Variants in MACROD2 observed in about 807,000 individuals in gnomAD.
MACROD2 encodes the protein mono-ADP ribosylhydrolase 2.
In MACROD2, 36 loss-of-function variants were observed where a neutral mutation model predicts 70.4. The ratio of observed to expected loss-of-function variants is 0.51; its 90% CI spans 0.39 to 0.68. The LOEUF (loss-of-function observed/expected upper bound fraction) is 0.68. Ranked by LOEUF, MACROD2 falls within the 30% of genes least tolerant of loss-of-function variation. MACROD2 has a pLI of 0.00. For synonymous variants in MACROD2, 172 were observed against 178.8 expected, an observed-to-expected ratio of 0.96 and a Z score of 0.30; for missense variants, 496 against 538.4, an observed-to-expected ratio of 0.92 and a Z score of 0.78.
chr20:15,609,973 C>T (rs1274046296), intron 8 of MACROD2, among the ~76,000 whole-genome samples: 1 of 152,206 alleles, frequency 6.6e-6, no homozygotes, highest in Non-Finnish European at 1.5e-5. Flanking sequence ...CAGATTATCC[C>T]AGGCAATGAA....
intron 4 of MACROD2, among the ~76,000 whole-genome samples, chr20:14,543,524 G>T (rs2085457616): frequency 6.6e-6 from 1 of 152,032 alleles, no homozygotes; most frequent in African/African-American, 2.4e-5. Flanking sequence ...TAAAATAATT[G>T]GCATATTGAT....
At position 14,409,147 on chromosome 20, in the gene MACROD2, C is replaced by CTTTTTTTTTT. The variant is rs11425504; in HGVS notation, c.272-84323_272-84314dup. Among the ~76,000 whole-genome samples, 2 of 127,586 alleles carry CTTTTTTTTTT rather than the reference C, an allele frequency of 1.6e-5. 1 individual carries two copies. The allele number at this position is 127,586 out of a possible 152,430, so 83.7% of individuals were successfully genotyped here. On this transcript the variant is annotated intron_variant, in intron 3 of 17. Coordinates refer to ENST00000684519, the MANE Select transcript of MACROD2 (RefSeq NM_001351661.2). ...GCTCTTCTTCTAAGGTCTGTTTTGGCTTTTTTTTTTTTTTTTTTCCAAACG... is the reference window on the plus strand; with the variant it reads ...GCTCTTCTTCTAAGGTCTGTTTTGGCTTTTTTTTTTTTTTTTTTTTTTTTTTTTCCAAACG...
chr20:14,281,761 C>T (rs932270800), intron 3 of MACROD2, among the ~76,000 whole-genome samples: 2 of 151,270 alleles, frequency 1.3e-5, no homozygotes, highest in African/African-American at 4.9e-5. Context: ...ATGGTGAAAC[C>T]CTGTCTCTCC....
chr20:14,789,593 A>T (rs2072424359), intron 5 of MACROD2, among the ~76,000 whole-genome samples: 1 of 147,998 alleles, frequency 6.8e-6, no homozygotes, highest in Admixed American at 6.9e-5. Flanking sequence ...CTCCTGCCTC[A>T]GCTTCCTGAG....
rs188042032 is a variant in MACROD2, at chr20:15,417,584, G to A, written c.541-13821G>A. Among the ~76,000 whole-genome samples, 14 of 121,842 alleles carry A rather than the reference G, an allele frequency of 1.1e-4. No homozygotes were observed. In the East Asian group the frequency reaches 2.7e-3, roughly 24 times the overall value. 79.9% of individuals were successfully genotyped at this position (121,842 alleles called of 152,430 possible). ...ACTGTCCTCCAGCCCAGGTGACAGA[G>A]CGAAACCCTGTCTCAAAAAAAAAAA... On this transcript the variant is annotated intron_variant, in intron 6 of 17. Transcript: ENST00000684519.
chr20:15,304,002 A>G (rs1162865665), intron 6 of MACROD2, among the ~76,000 whole-genome samples: 4 of 152,180 alleles, frequency 2.6e-5, no homozygotes, highest in Non-Finnish European at 5.9e-5. Context: ...AATATTTATT[A>G]TTATAGTAGG....
chr20:14,599,742 A>G (rs924173987), intron 4 of MACROD2, among the ~76,000 whole-genome samples: 6 of 152,178 alleles, frequency 3.9e-5, no homozygotes, highest in Non-Finnish European at 8.8e-5. Flanking sequence ...AGCCCTGAAT[A>G]GGGCAGACAG....
intron 4 of MACROD2, among the ~76,000 whole-genome samples, chr20:14,670,761 T>C (rs1174642632): frequency 2.6e-5 from 4 of 152,152 alleles, no homozygotes; most frequent in African/African-American, 9.7e-5. Flanking sequence ...TCAGGGCTAA[T>C]GTGACTCCTT....
chr20:15,292,982 T>TACCATGA (rs2077554573), intron 6 of MACROD2, among the ~76,000 whole-genome samples: 1 of 152,190 alleles, frequency 6.6e-6, no homozygotes, highest in Non-Finnish European at 1.5e-5. Context: ...TGCTATTTCC[T>TACCATGA]GCTTCCATAC....
chr20:15,036,865 G>A (rs1378318164), intron 5 of MACROD2, among the ~76,000 whole-genome samples: 1 of 151,348 alleles, frequency 6.6e-6, no homozygotes, highest in African/African-American at 2.4e-5. Context: ...TAAAGATTTA[G>A]TTACAAAGAT....
chr20:14,147,664 A>C (rs1213143416), intron 3 of MACROD2, among the ~76,000 whole-genome samples: 1 of 152,160 alleles, frequency 6.6e-6, no homozygotes, highest in Non-Finnish European at 1.5e-5. Context: ...TTTAGATAGA[A>C]AAGCAAGGAA....
intron 5 of MACROD2, among the ~76,000 whole-genome samples, chr20:15,104,112 G>T (rs1344528028): frequency 1.3e-5 from 2 of 152,060 alleles, no homozygotes; most frequent in African/African-American, 4.8e-5. Context: ...TGTTAAAGAA[G>T]GCAATGTAAA....
At chr20:15,144,458 C>T (rs745366548) in intron 5 of MACROD2, among the ~76,000 whole-genome samples, 15 of 152,138 alleles carry the variant, frequency 9.9e-5, no homozygotes, top group Non-Finnish European at 2.2e-4. Context: ...ATACATTTGT[C>T]ACATAGTGAC....
intron 2 of MACROD2, among the ~76,000 whole-genome samples, chr20:14,004,275 T>C (rs1601100519): frequency 6.6e-6 from 1 of 152,210 alleles, no homozygotes; most frequent in East Asian, 1.9e-4. Context: ...ACACCTAACA[T>C]AGTTATCCTC....
intron 5 of MACROD2, among the ~76,000 whole-genome samples, chr20:14,747,627 AT>A (rs979773215): frequency 6.6e-6 from 1 of 151,694 alleles, no homozygotes; most frequent in Non-Finnish European, 1.5e-5. Context: ...TTTTTCTGCC[AT>A]TTTTTTTGCC....
At chr20:14,633,806 A>G (rs1162081548) in intron 4 of MACROD2, among the ~76,000 whole-genome samples, 2 of 152,146 alleles carry the variant, frequency 1.3e-5, no homozygotes, top group East Asian at 1.9e-4. Flanking sequence ...GGCCTTTTTA[A>G]TTTAAAGACT....
At chr20:16,045,374 A>T (rs1333755704) in intron 17 of MACROD2, among the ~76,000 whole-genome samples, 1 of 152,166 alleles carries the variant, frequency 6.6e-6, no homozygotes, top group Non-Finnish European at 1.5e-5. Flanking sequence ...TGCTTGCTTC[A>T]TGGCAGCCAA....
At chr20:15,793,593 A>G (rs1188764805) in intron 8 of MACROD2, among the ~76,000 whole-genome samples, 1 of 151,934 alleles carries the variant, frequency 6.6e-6, no homozygotes, top group African/African-American at 2.4e-5. Context: ...AATAAGATCA[A>G]ATCCACTGCT....
chr20:15,880,634 G>T (rs1170027175), intron 9 of MACROD2, among the ~76,000 whole-genome samples: 1 of 151,938 alleles, frequency 6.6e-6, no homozygotes, highest in Non-Finnish European at 1.5e-5. Flanking sequence ...TAGGCCACTT[G>T]GGAAGCAAGG....
Sources: gnomAD v4.1 joint callset for allele counts (sites outside exome capture counted in the v4.1 genomes callset) on GRCh38, gnomAD v4.1.1 for gene constraint, MANE v1.5 for transcripts, NCBI Gene and HGNC (gene_info 2026-07-23, HGNC 2026-07-21) for gene names.